Variants in PTPRD observed in about 807,000 individuals in gnomAD.
The protein encoded by PTPRD is protein tyrosine phosphatase receptor type D, also known as receptor-type tyrosine-protein phosphatase delta.
Under a neutral mutation model 214.5 loss-of-function variants are expected in PTPRD, and 34 were observed. The ratio of observed to expected loss-of-function variants is 0.16; its 90% confidence interval spans 0.12 to 0.21. PTPRD has a LOEUF of 0.21. PTPRD is among the 10% of genes least tolerant of loss of function. The pLI is 1.00. For synonymous variants in PTPRD, 1,128 were observed against 845.7 expected (o/e 1.33, Z -5.79); for missense variants, 2,545 against 2,398.7 (o/e 1.06, Z -1.27).
intron 3 of PTPRD, among the ~76,000 whole-genome samples, chr9:10,109,697 G>A (rs1045538053): frequency 4.6e-5 from 7 of 152,278 alleles, no homozygotes; most frequent in African/African-American, 1.7e-4. Flanking sequence ...AACGGGTTGA[G>A]TGATGGGGTG....
At chr9:10,222,005 A>G (rs1021413537) in intron 3 of PTPRD, among the ~76,000 whole-genome samples, 1 of 151,476 alleles carries the variant, frequency 6.6e-6, no homozygotes, top group African/African-American at 2.4e-5. Flanking sequence ...TATATCAGAA[A>G]TAGAAAACTG....
chr9:9,781,178 G>C (rs541356992), intron 5 of PTPRD, among the ~76,000 whole-genome samples: 8 of 152,238 alleles, frequency 5.3e-5, no homozygotes, highest in African/African-American at 1.7e-4. Context: ...GTAAGCTATG[G>C]AATTCAGTTA....
At chr9:10,445,113 G>C (rs980594338) in intron 2 of PTPRD, among the ~76,000 whole-genome samples, 4 of 152,068 alleles carry the variant, frequency 2.6e-5, no homozygotes, top group African/African-American at 9.6e-5. Context: ...GGAATTTCTT[G>C]TGGACAAAAA....
intron 9 of PTPRD, among the ~76,000 whole-genome samples, chr9:9,317,817 TGATA>T (rs1964118862): frequency 6.6e-6 from 1 of 152,180 alleles, no homozygotes; most frequent in Non-Finnish European, 1.5e-5. Flanking sequence ...TTTTTCATCC[TGATA>T]GATTATGTGC....
intron 9 of PTPRD, among the ~76,000 whole-genome samples, chr9:9,370,939 G>A (rs201217800): frequency 6.6e-6 from 1 of 152,224 alleles, no homozygotes; most frequent in South Asian, 2.1e-4. Flanking sequence ...TGTTGAACCA[G>A]CCTTGCATCC....
At chr9:9,248,713 C>T (rs984922644) in intron 9 of PTPRD, among the ~76,000 whole-genome samples, 1 of 152,084 alleles carries the variant, frequency 6.6e-6, no homozygotes, top group African/African-American at 2.4e-5. Flanking sequence ...AGCATGTACA[C>T]TGAGACTGTA....
intron 5 of PTPRD, among the ~76,000 whole-genome samples, chr9:9,780,724 C>T (rs545906485): frequency 6.1e-4 from 93 of 152,328 alleles, no homozygotes; most frequent in African/African-American, 2.2e-3. Context: ...TGACAAGAAC[C>T]TGTGCATTAA....
chr9:9,327,102 A>T (rs1443558937), intron 9 of PTPRD, among the ~76,000 whole-genome samples: 2 of 152,204 alleles, frequency 1.3e-5, no homozygotes, highest in Non-Finnish European at 2.9e-5. Context: ...GAACAATCAT[A>T]TATAGATTCC....
At chr9:10,050,821 T>C (rs1160479982) in intron 3 of PTPRD, among the ~76,000 whole-genome samples, 4 of 152,006 alleles carry the variant, frequency 2.6e-5, no homozygotes, top group South Asian at 4.1e-4. Context: ...TTTGGGTGAG[T>C]TGTGGGTCTC....
chr9:9,595,097 C>T (rs771942395), intron 7 of PTPRD, among the ~76,000 whole-genome samples: 1 of 151,342 alleles, frequency 6.6e-6, no homozygotes, highest in African/African-American at 2.4e-5. Context: ...TAGATGTTGG[C>T]GTAGATGCGG....
At chr9:8,848,548 T>C (rs1208553513) in intron 11 of PTPRD, among the ~76,000 whole-genome samples, 3 of 150,740 alleles carry the variant, frequency 2.0e-5, no homozygotes, top group Non-Finnish European at 4.4e-5. Flanking sequence ...TCTTGCTATG[T>C]TGCCCAGGCT....
intron 3 of PTPRD, among the ~76,000 whole-genome samples, chr9:10,248,019 A>T (rs2092359653): frequency 6.6e-6 from 1 of 152,078 alleles, no homozygotes; most frequent in Non-Finnish European, 1.5e-5. Context: ...TTAAAATGGG[A>T]GGTGCCCTGT....
rs183301274 is a variant in PTPRD, at chr9:10,002,595, G to A, written c.-472+31123C>T. Among the ~76,000 whole-genome samples, 7 of 149,722 alleles carry A rather than the reference G, an allele frequency of 4.7e-5. No individual in the cohort carries two copies. The East Asian group carries it at 1.4e-3, about 29-fold the overall frequency. ...ACAAAATTTTACTAGCACAAAAGAA[G>A]AATATTTTGTAATAATAAAATGGTC... is the stretch of plus-strand genomic sequence containing the variant. On this transcript the variant is annotated intron_variant, in intron 4 of 45. Coordinates refer to ENST00000381196, the MANE Select transcript of PTPRD (RefSeq NM_002839.4).
At chr9:8,986,039 A>C (rs184428878) in intron 11 of PTPRD, among the ~76,000 whole-genome samples, 4 of 152,150 alleles carry the variant, frequency 2.6e-5, no homozygotes, top group African/African-American at 7.2e-5. Context: ...TATAAAACTA[A>C]CTTTTTGAGT....
rs145993101 is a variant in PTPRD at position 8,789,760 on chromosome 9, G to A, written c.-103-55814C>T. On this transcript the variant is annotated intron_variant, in intron 11 of 45. Transcript: ENST00000381196. ...AGAATTAGCATCCCATATCGGGAGG[G>A]GGTGGAATTCAACCCGTGTCTCACA... 4.6e-5 allele frequency among the ~76,000 whole-genome samples: 7 copies of A among 152,190 alleles called. No homozygotes were observed. In the East Asian group the frequency reaches 1.4e-3, roughly 29 times the overall value.
intron 11 of PTPRD, among the ~76,000 whole-genome samples, chr9:8,752,505 C>G (rs529320894): frequency 2.9e-4 from 44 of 152,280 alleles, no homozygotes; most frequent in African/African-American, 1.1e-3. Flanking sequence ...GTTAGCCATT[C>G]TTTCATTCCT....
chr9:8,444,383 C>T (rs2095649194), intron 34 of PTPRD, among the ~76,000 whole-genome samples: 1 of 152,068 alleles, frequency 6.6e-6, no homozygotes, highest in South Asian at 2.1e-4. Context: ...TACACACAGA[C>T]ATCCCTACCT....
chr9:9,417,652 C>T (rs1196852023), intron 8 of PTPRD, among the ~76,000 whole-genome samples: 2 of 152,048 alleles, frequency 1.3e-5, no homozygotes, highest in African/African-American at 4.8e-5. Context: ...ATTAAAAGCA[C>T]ATAAAATTAT....
intron 9 of PTPRD, among the ~76,000 whole-genome samples, chr9:9,315,131 T>C (rs916068086): frequency 2.6e-5 from 4 of 152,014 alleles, no homozygotes; most frequent in African/African-American, 9.7e-5. Flanking sequence ...AGTGAACATA[T>C]TTCCCCTTTC....
Sources: gnomAD v4.1 joint callset for allele counts (sites outside exome capture counted in the v4.1 genomes callset) on GRCh38, gnomAD v4.1.1 for gene constraint, MANE v1.5 for transcripts, NCBI Gene and HGNC (gene_info 2026-07-23, HGNC 2026-07-21) for gene names.